The following ANKS1B variants were observed in gnomAD, a reference collection of about 807,000 sequenced individuals.
ANKS1B encodes the protein ankyrin repeat and sterile alpha motif domain containing 1B, also known as ankyrin repeat and sterile alpha motif domain-containing protein 1B.
Under a neutral mutation model 148.3 loss-of-function variants are expected in ANKS1B, and 36 were observed. The ratio of observed to expected loss-of-function variants is 0.24; its 90% CI spans 0.19 to 0.32. The LOEUF is 0.32. Ranked by LOEUF, ANKS1B falls within the 10% of genes least tolerant of loss-of-function variation. The pLI, the probability that ANKS1B is intolerant of heterozygous loss-of-function variation, is 1.00. For synonymous variants in ANKS1B, 542 were observed against 560.8 expected (o/e 0.97, Z 0.47); for missense variants, 1,157 against 1,542.6 (o/e 0.75, Z 4.19).
intron 9 of ANKS1B, among the ~76,000 whole-genome samples, chr12:99,562,253 T>C (rs1444045418): frequency 6.6e-6 from 1 of 152,100 alleles, no homozygotes; most frequent in Admixed American, 6.5e-5. Flanking sequence ...ACAAGCAAAA[T>C]CAATTTTGCA....
intron 8 of ANKS1B, among the ~76,000 whole-genome samples, chr12:99,673,086 C>A (rs146848772): frequency 6.6e-6 from 1 of 152,118 alleles, no homozygotes; most frequent in Admixed American, 6.6e-5. Context: ...AAATCAAGAA[C>A]ACTGATCTAT....
chr12:99,648,219 C>A lies in ANKS1B; in HGVS notation c.1272+6848G>T, dbSNP rs139770941. On this transcript the variant is annotated intron_variant, in intron 9 of 26. Coordinates refer to ENST00000683438, the MANE Select transcript of ANKS1B (RefSeq NM_001352186.2). ...TACCGTATTACACGGCCCAAAGCAG[C>A]CCCGCAATGGGCATGTTTAACACCT... 417 of 1,614,152 alleles carry A rather than the reference C, an allele frequency of 2.6e-4. 1 individual carries two copies. The highest frequency in any genetic ancestry group is 3.3e-4 in the Non-Finnish European group (394 of 1,180,018).
intron 10 of ANKS1B, among the ~76,000 whole-genome samples, chr12:99,490,912 G>A (rs908413710): frequency 4.6e-5 from 7 of 152,334 alleles, no homozygotes; most frequent in South Asian, 2.1e-4. Context: ...CAAGCATTAC[G>A]TAAGATTGTA....
At chr12:99,854,792 A>C (rs2088685923) in intron 1 of ANKS1B, among the ~76,000 whole-genome samples, 1 of 152,328 alleles carries the variant, frequency 6.6e-6, no homozygotes, top group South Asian at 2.1e-4. Flanking sequence ...GCATCCAGCA[A>C]AAGTAAGCTT....
chr12:98,989,654 A>G (rs1389742026), intron 17 of ANKS1B, among the ~76,000 whole-genome samples: 2 of 152,138 alleles, frequency 1.3e-5, no homozygotes, highest in African/African-American at 2.4e-5. Context: ...TTCTGTGAAG[A>G]ATGAGCCAGG....
intron 17 of ANKS1B, among the ~76,000 whole-genome samples, chr12:98,930,762 G>T (rs935975667): frequency 1.3e-5 from 2 of 152,080 alleles, no homozygotes; most frequent in Admixed American, 1.3e-4. Flanking sequence ...GACTGCTCAT[G>T]GTTATGGGGT....
At position 99,745,985 on chromosome 12, in the gene ANKS1B, G is replaced by A. The variant is rs909558564; in HGVS notation, c.1128+26937C>T. On this transcript the variant is annotated intron_variant, in intron 8 of 26. Transcript: ENST00000683438. Reference sequence around the variant, plus strand: ...TAATAGGAGTTCATGAGCCATATACGGTTGGAAAAATATGCTCTTAGATAA... The same window carrying A: ...TAATAGGAGTTCATGAGCCATATACAGTTGGAAAAATATGCTCTTAGATAA... 4.6e-5 allele frequency among the ~76,000 whole-genome samples: 7 copies of A among 151,912 alleles called. No individual in the cohort carries two copies. In the East Asian group the frequency reaches 9.6e-4, roughly 21 times the overall value.
chr12:99,619,824 C>T (rs2098023537), intron 9 of ANKS1B, among the ~76,000 whole-genome samples: 1 of 152,162 alleles, frequency 6.6e-6, no homozygotes, highest in Non-Finnish European at 1.5e-5. Flanking sequence ...GGAGGCCACC[C>T]ACTGGATTCT....
intron 12 of ANKS1B, among the ~76,000 whole-genome samples, chr12:99,294,533 G>A (rs983487682): frequency 5.9e-5 from 9 of 152,212 alleles, no homozygotes; most frequent in Non-Finnish European, 1.3e-4. Context: ...GCTGGGAAGA[G>A]TAGTGGGGGC....
rs557022172 is a variant in ANKS1B, at chr12:98,757,128, G to T, written c.3580-5606C>A. On this transcript the variant is annotated intron_variant, in intron 25 of 26. Coordinates refer to ENST00000683438, the MANE Select transcript of ANKS1B (RefSeq NM_001352186.2). ...CCTGAGCTAGCCACAAGGAGAGGCT[G>T]CCTGGACAGGAACAACGGTTTCAGC... is the stretch of plus-strand genomic sequence containing the variant. 2.0e-5 allele frequency among the ~76,000 whole-genome samples: 3 copies of T among 152,278 alleles called. No homozygotes were observed. The South Asian group carries it at 6.2e-4, about 32-fold the overall frequency.
At chr12:99,529,860 T>C (rs2096969364) in intron 9 of ANKS1B, among the ~76,000 whole-genome samples, 1 of 152,230 alleles carries the variant, frequency 6.6e-6, no homozygotes. Flanking sequence ...TCATTCTGAA[T>C]ACTAAAACAT....
intron 8 of ANKS1B, among the ~76,000 whole-genome samples, chr12:99,689,129 C>T (rs1157540034): frequency 6.6e-6 from 1 of 152,156 alleles, no homozygotes; most frequent in Non-Finnish European, 1.5e-5. Context: ...TAAATATCCC[C>T]TATTTGATAT....
chr12:98,945,835 A>G (rs183514521), intron 17 of ANKS1B, among the ~76,000 whole-genome samples: 179 of 152,358 alleles, frequency 1.2e-3, no homozygotes, highest in African/African-American at 4.1e-3. Flanking sequence ...TACTGAATTC[A>G]GCACTTCACC....
chr12:99,282,425 G>A (rs2078591092), intron 12 of ANKS1B, among the ~76,000 whole-genome samples: 1 of 152,160 alleles, frequency 6.6e-6, no homozygotes, highest in African/African-American at 2.4e-5. Context: ...TGATTTAAGA[G>A]TTGAAAAACC....
intron 10 of ANKS1B, among the ~76,000 whole-genome samples, chr12:99,472,197 C>A (rs1368110695): frequency 6.6e-6 from 1 of 152,042 alleles, no homozygotes; most frequent in Non-Finnish European, 1.5e-5. Flanking sequence ...ATTTGTAGGT[C>A]TTTTTTCCTT....
At chr12:99,085,217 C>T (rs1258862380) in intron 15 of ANKS1B, among the ~76,000 whole-genome samples, 194 bp from the exon 16 acceptor site, 3 of 152,216 alleles carry the variant, frequency 2.0e-5, no homozygotes, top group African/African-American at 7.2e-5. Flanking sequence ...AGAAAGCTCC[C>T]CTCCCCTCAC....
intron 8 of ANKS1B, among the ~76,000 whole-genome samples, chr12:99,691,994 G>T (rs974097920): frequency 2.0e-5 from 3 of 152,204 alleles, no homozygotes; most frequent in African/African-American, 7.2e-5. Flanking sequence ...GGCATTTTAA[G>T]ATAAAAAATG....
chr12:99,384,365 C>T (rs972567720), intron 12 of ANKS1B, among the ~76,000 whole-genome samples: 8 of 152,226 alleles, frequency 5.3e-5, no homozygotes, highest in African/African-American at 1.9e-4. Flanking sequence ...GTCCTATCTA[C>T]CATCAAAATT....
intron 12 of ANKS1B, among the ~76,000 whole-genome samples, chr12:99,321,592 G>A (rs2085281976): frequency 6.6e-6 from 1 of 152,190 alleles, no homozygotes; most frequent in African/African-American, 2.4e-5. Flanking sequence ...GATTTTCCAG[G>A]TACCATCTGT....
Sources: gnomAD v4.1 joint callset for allele counts (sites outside exome capture counted in the v4.1 genomes callset) on GRCh38, gnomAD v4.1.1 for gene constraint, MANE v1.5 for transcripts, NCBI Gene and HGNC (gene_info 2026-07-23, HGNC 2026-07-21) for gene names.